The following RTL4 variants were observed in gnomAD, a reference collection of about 807,000 sequenced individuals.
The protein encoded by RTL4 is retrotransposon Gag-like protein 4.
RTL4 carries 4 observed loss-of-function variants against 5.3 expected under a neutral mutation model. The ratio of observed to expected loss-of-function variants is 0.75; its 90% CI spans 0.37 to 1.72. RTL4 has a LOEUF of 1.72. Ranked by LOEUF, RTL4 falls within the 40% of genes most tolerant of loss-of-function variation. The probability of loss-of-function intolerance (pLI) is 0.04; values close to 1 mark genes in which losing one functional copy is unlikely to be tolerated. For missense variants in RTL4, 260 were observed against 227.1 expected (o/e 1.14, Z -0.93); for synonymous variants, 98 against 87.3 (o/e 1.12, Z -0.68).
the RTL4 span, among the ~76,000 whole-genome samples, chrX:112,293,039 C>T: frequency 8.9e-6 from 1 of 111,883 alleles, no homozygotes; most frequent in African/African-American, 3.2e-5. Flanking sequence ...CACAGACAGC[C>T]TATGGAGAAT....
the RTL4 span, among the ~76,000 whole-genome samples, chrX:112,201,364 T>C: frequency 9.0e-6 from 1 of 111,512 alleles, no homozygotes; most frequent in African/African-American, 3.3e-5. Flanking sequence ...TATACCATTC[T>C]ACTATTTGTA....
the RTL4 span, among the ~76,000 whole-genome samples, chrX:112,212,143 G>C: frequency 3.6e-5 from 4 of 112,257 alleles, no homozygotes; most frequent in Admixed American, 9.4e-5. Flanking sequence ...TTGGGAGGCC[G>C]AGGCGGGCGG....
the RTL4 span, among the ~76,000 whole-genome samples, chrX:112,421,352 G>A: frequency 1.8e-5 from 2 of 111,818 alleles, no homozygotes; most frequent in Admixed American, 1.9e-4. Flanking sequence ...ATTCATGCTG[G>A]AGAATCTAAA....
At chrX:112,273,017 T>C in the RTL4 span, among the ~76,000 whole-genome samples, 1 of 111,066 alleles carries the variant, frequency 9.0e-6, no homozygotes, top group Non-Finnish European at 1.9e-5. Flanking sequence ...ACAATCACCA[T>C]GCGGCCATAA....
chrX:112,393,159 T>TG, the RTL4 span, among the ~76,000 whole-genome samples: 5 of 97,484 alleles, frequency 5.1e-5, no homozygotes, highest in African/African-American at 2.3e-4. Context: ...TTTTTTTTTT[T>TG]TGTTTTTTTT....
At chrX:112,360,084 G>A in the RTL4 span, among the ~76,000 whole-genome samples, 31 of 111,085 alleles carry the variant, frequency 2.8e-4, no homozygotes, top group Non-Finnish European at 4.5e-4. Flanking sequence ...CATAAGCCTC[G>A]TCTGACTCAG....
chrX:112,244,125 C>G, the RTL4 span, among the ~76,000 whole-genome samples: 3 of 111,720 alleles, frequency 2.7e-5, no homozygotes, highest in Non-Finnish European at 3.8e-5. Flanking sequence ...ATTATGTGGT[C>G]AATTTTAGAA....
chrX:112,392,549 G>A, the RTL4 span, among the ~76,000 whole-genome samples: 1 of 111,625 alleles, frequency 9.0e-6, no homozygotes, highest in Non-Finnish European at 1.9e-5. Context: ...CAACAGTGAG[G>A]AGGAATGGGA....
chrX:112,396,880 G>A, the RTL4 span, among the ~76,000 whole-genome samples: 1 of 111,044 alleles, frequency 9.0e-6, no homozygotes, highest in East Asian at 2.8e-4. Flanking sequence ...AATACTGGTC[G>A]GGTTTATTGT....
At chrX:112,271,209 G>A in the RTL4 span, among the ~76,000 whole-genome samples, 1 of 112,882 alleles carries the variant, frequency 8.9e-6, no homozygotes, top group African/African-American at 3.2e-5. Context: ...TGGATAGAGT[G>A]GGAGGATCAA....
At chrX:112,370,724 C>T in the RTL4 span, among the ~76,000 whole-genome samples, 1 of 110,831 alleles carries the variant, frequency 9.0e-6, no homozygotes, top group South Asian at 3.8e-4. Flanking sequence ...GTAGAAGATC[C>T]ACATCCAAAG....
chrX:112,108,192 G>T, the RTL4 span, among the ~76,000 whole-genome samples: 1 of 111,184 alleles, frequency 9.0e-6, no homozygotes, highest in East Asian at 2.8e-4. Context: ...TATCATTTTT[G>T]TCACCTACTG....
At chrX:112,143,163 G>C in the RTL4 span, among the ~76,000 whole-genome samples, 1 of 111,525 alleles carries the variant, frequency 9.0e-6, no homozygotes, top group Non-Finnish European at 1.9e-5. Context: ...TGCTATTACT[G>C]AATATTTATA....
chrX:112,206,070 G>A, the RTL4 span, among the ~76,000 whole-genome samples: 1 of 111,660 alleles, frequency 9.0e-6, no homozygotes, highest in Non-Finnish European at 1.9e-5. Flanking sequence ...TCTTAAGCTG[G>A]TAGAGGAAGT....
the RTL4 span, among the ~76,000 whole-genome samples, chrX:112,218,292 T>A: frequency 2.7e-5 from 3 of 111,744 alleles, no homozygotes; most frequent in East Asian, 8.5e-4. Flanking sequence ...CTAATTGTCC[T>A]GGTTTCCCTA....
the RTL4 span, among the ~76,000 whole-genome samples, chrX:112,168,252 T>C: frequency 8.0e-5 from 9 of 111,862 alleles, no homozygotes; most frequent in Admixed American, 8.6e-4. Flanking sequence ...AAAGGCACCC[T>C]GAGCCTCTGA....
the RTL4 span, among the ~76,000 whole-genome samples, chrX:112,432,520 A>G: frequency 1.9e-4 from 19 of 102,380 alleles, no homozygotes; most frequent in Admixed American, 1.9e-3. Flanking sequence ...TTGGCTGCAT[A>G]AATGTCTTCT....
chrX:112,201,093 T>C, the RTL4 span, among the ~76,000 whole-genome samples: 6 of 111,479 alleles, frequency 5.4e-5, no homozygotes, highest in African/African-American at 1.6e-4. Context: ...CTTACAATCA[T>C]GACAGAAGGA....
the RTL4 span, among the ~76,000 whole-genome samples, chrX:112,374,295 T>G: frequency 9.0e-6 from 1 of 111,398 alleles, no homozygotes; most frequent in African/African-American, 3.3e-5. Context: ...CAGTGCCACC[T>G]TTGTCATAAA....
Sources: allele counts gnomAD v4.1 joint callset (sites outside exome capture counted in the v4.1 genomes callset), GRCh38; gene constraint gnomAD v4.1.1; transcripts MANE v1.5; gene names NCBI Gene and HGNC (gene_info 2026-07-23, HGNC 2026-07-21).